C5AR1: variants seen among roughly 807,000 people sequenced by gnomAD.
C5AR1 encodes the protein C5a anaphylatoxin chemotactic receptor 1.
Under a neutral mutation model 2.4 loss-of-function variants are expected in C5AR1, and 4 were observed. The observed-to-expected ratio is 1.65, with a 90% CI of 0.81 to 3.77. The LOEUF (loss-of-function observed/expected upper bound fraction) is 3.77. Ranked by LOEUF, C5AR1 falls within the 30% of genes most tolerant of loss-of-function variation. C5AR1 has a pLI of 0.01. For synonymous variants in C5AR1, 209 were observed against 210.4 expected (o/e 0.99, Z 0.06); for missense variants, 418 against 462.5 (o/e 0.90, Z 0.88).
Position 47,321,003 on chromosome 19 carries a change from C to T in C5AR1, c.*173C>T, listed in dbSNP as rs200460170. Reference sequence around the variant, plus strand: ...CCTTTTCCAGCGGGACTCTTCTCATCCTTCCTCATTTGCAAGGTGAACACT... The same window carrying T: ...CCTTTTCCAGCGGGACTCTTCTCATTCTTCCTCATTTGCAAGGTGAACACT... On this transcript the variant is annotated 3_prime_UTR_variant, in exon 2 of 2. Transcript: ENST00000355085. 75 of 583,530 alleles carry T rather than the reference C, an allele frequency of 1.3e-4. 1 individual carries two copies. The South Asian group carries it at 1.5e-3, about 12-fold the overall frequency. 36.1% of individuals were successfully genotyped at this position (583,530 alleles called of 1,614,324 possible).
chr19:47,319,651 C>CTG, intron 1 of C5AR1, 130 bp from the exon 2 acceptor site: 2 of 654,524 alleles, frequency 3.1e-6, no homozygotes, highest in Non-Finnish European at 5.4e-6. Flanking sequence ...TGACTCTCAG[C>CTG]CCTCAGCATC....
Position 47,319,803 on chromosome 19 carries a change from CT to C in C5AR1, c.27del (p.Asp10IlefsTer52). On this transcript the variant is annotated frameshift_variant, in exon 2 of 2. Coordinates refer to ENST00000355085, the MANE Select transcript of C5AR1 (RefSeq NM_001736.4). LOFTEE classifies it low-confidence loss of function (END_TRUNC). ...TAGGACTCCTTCAATTATACCACCCCTGATTATGGGCACTATGATGACAAGG... is the reference window on the plus strand; with the variant it reads ...TAGGACTCCTTCAATTATACCACCCCGATTATGGGCACTATGATGACAAGG... MDSFNYTT[P>X]DYGHYDDKDT... 1.9e-6 allele frequency: 3 copies of C among 1,612,104 alleles called. No individual in the cohort carries two copies. Among genetic ancestry groups the C allele is most frequent in the Non-Finnish European group, 2.5e-6 (3 of 1,178,288 alleles).
chr19:47,316,081 C>T (rs1172989231), intron 1 of C5AR1, among the ~76,000 whole-genome samples: 1 of 151,904 alleles, frequency 6.6e-6, no homozygotes, highest in Admixed American at 6.6e-5. Context: ...TCTTGACTCA[C>T]TGCAACCTCC....
rs200918301 is a variant in C5AR1, at chr19:47,320,839, C to T, written c.*9C>T. Reference sequence around the variant, plus strand: ...AGACCCAGGCAGTGTAGGCGACAGCCTCATGGGCCACTGTGGCCCGATGTC... The same window carrying T: ...AGACCCAGGCAGTGTAGGCGACAGCTTCATGGGCCACTGTGGCCCGATGTC... On this transcript the variant is annotated 3_prime_UTR_variant, in exon 2 of 2. Coordinates refer to ENST00000355085, the MANE Select transcript of C5AR1 (RefSeq NM_001736.4). This position sits in a 1 kb window ranked among gnomAD's most constrained non-coding sequence, Gnocchi z 4.9. The T allele has an allele frequency of 2.9e-5, 46 of 1,595,226 alleles. No homozygotes were observed. In the South Asian group the frequency reaches 5.0e-4, roughly 17 times the overall value.
chr19:47,308,210 C>T (rs1310764348), upstream of C5AR1, among the ~76,000 whole-genome samples: 13 of 88,612 alleles, frequency 1.5e-4, no homozygotes, highest in African/African-American at 6.8e-4. Flanking sequence ...GAGACTCCAT[C>T]TCAAAAAAAA....
intron 1 of C5AR1, among the ~76,000 whole-genome samples, chr19:47,310,563 T>C (rs746114484): frequency 1.9e-4 from 29 of 152,136 alleles, no homozygotes; most frequent in Non-Finnish European, 4.1e-4. Context: ...CCATCATAGC[T>C]CACTGCAGTC....
intron 1 of C5AR1, among the ~76,000 whole-genome samples, chr19:47,313,790 G>A (rs970818829): frequency 2.6e-5 from 4 of 151,720 alleles, no homozygotes; most frequent in Non-Finnish European, 4.4e-5. Flanking sequence ...GCTCTCAGGA[G>A]TTTCTCTCCT....
At chr19:47,313,887 G>T (rs1054332069) in intron 1 of C5AR1, among the ~76,000 whole-genome samples, 3 of 152,038 alleles carry the variant, frequency 2.0e-5, no homozygotes, top group Admixed American at 2.0e-4. Flanking sequence ...AATGAGTGTT[G>T]CTGTTGCAAC....
chr19:47,315,564 TTTACCTTCATGCGTCACAGCCAA>T (rs2059284426), intron 1 of C5AR1, among the ~76,000 whole-genome samples: 1 of 152,058 alleles, frequency 6.6e-6, no homozygotes, highest in African/African-American at 2.4e-5. Flanking sequence ...AGAGGCAAAA[TTTACCTTCATGCGTCACAGCCAA>T]AGGGAACATT....
At chr19:47,312,976 C>CTGTTT (rs370072941) in intron 1 of C5AR1, among the ~76,000 whole-genome samples, 54 of 152,100 alleles carry the variant, frequency 3.6e-4, no homozygotes, top group African/African-American at 1.2e-3. Flanking sequence ...AATATTTGGT[C>CTGTTT]TGTTTTGTTT....
At chr19:47,315,417 GC>G (rs1299873184) in intron 1 of C5AR1, among the ~76,000 whole-genome samples, 6 of 152,170 alleles carry the variant, frequency 3.9e-5, no homozygotes, top group African/African-American at 1.4e-4. Flanking sequence ...GACTGAGTGA[GC>G]TCATGGCAGG....
In C5AR1 at chr19:47,318,418, C is replaced by T. The variant is rs1213561553; in HGVS notation, c.4-1363C>T. Among the ~76,000 whole-genome samples the T allele has an allele frequency of 2.0e-5, 3 of 152,000 alleles. No homozygotes were observed. The East Asian group carries it at 5.8e-4, about 29-fold the overall frequency. ...AAGTGATTCTCCTGCCTCAGCCTCC[C>T]GAGTAGCTGGGATTACAGGTGCCCG... On this transcript the variant is annotated intron_variant, in intron 1 of 1. Transcript: ENST00000355085.
rs543926742 is a variant in C5AR1, at chr19:47,313,244, G to A, written c.3+3346G>A. Among the ~76,000 whole-genome samples, 3 of 152,090 alleles carry A rather than the reference G, an allele frequency of 2.0e-5. No individual in the cohort carries two copies. The East Asian group carries it at 5.9e-4, about 30-fold the overall frequency. On this transcript the variant is annotated intron_variant, in intron 1 of 1. Transcript: ENST00000355085. Reference sequence around the variant, plus strand: ...ACCCGCCTCAGCCTCCCAAAGTGCTGGGATTATAGGCGTGAGCCACCGCGC... The same window carrying A: ...ACCCGCCTCAGCCTCCCAAAGTGCTAGGATTATAGGCGTGAGCCACCGCGC...
At chr19:47,313,744 TAAA>T (rs556770085) in intron 1 of C5AR1, among the ~76,000 whole-genome samples, 1 of 137,952 alleles carries the variant, frequency 7.2e-6, no homozygotes. Flanking sequence ...TTCCGTCTCA[TAAA>T]AAAAAAAAAG....
chr19:47,318,881 A>ATTTTTT (rs34790165), intron 1 of C5AR1, among the ~76,000 whole-genome samples: 2 of 99,386 alleles, frequency 2.0e-5, no homozygotes, highest in Non-Finnish European at 3.7e-5. Context: ...TTTTTGTTCT[A>ATTTTTT]TTTTTTTTTT....
chr19:47,320,513 G>GCAGTGGTGGC lies in C5AR1; in HGVS notation c.741_750dup (p.Phe251GlyfsTer78). 1.2e-6 allele frequency: 2 copies of GCAGTGGTGGC among 1,614,024 alleles called. No homozygotes were observed. The highest frequency in any genetic ancestry group is 1.7e-6 in the Non-Finnish European group (2 of 1,180,004). On this transcript the variant is annotated frameshift_variant, in exon 2 of 2. Coordinates refer to ENST00000355085, the MANE Select transcript of C5AR1 (RefSeq NM_001736.4). LOFTEE classifies it low-confidence loss of function (END_TRUNC). This position sits in a 1 kb window ranked among gnomAD's most constrained non-coding sequence, Gnocchi z 4.9. ...CACCAAGACACTCAAGGTGGTGGTGGCAGTGGTGGCCAGTTTCTTTATCTT... is the reference window on the plus strand; with the variant it reads ...CACCAAGACACTCAAGGTGGTGGTGGCAGTGGTGGCCAGTGGTGGCCAGTTTCTTTATCTT...
chr19:47,319,852 T>C lies in C5AR1; in HGVS notation c.75T>C (p.Pro25=). The part of the protein sequence containing the change: ...DDKDTLDLNT[P]VDKTSNTLRV... ...AGGATACCCTGGACCTCAACACCCC[T>C]GTGGATAAAACTTCTAACACGCTGC... Residue 25 remains proline (P), a synonymous_variant, in exon 2 of 2, where the codon CCT becomes CCC. Coordinates refer to ENST00000355085, the MANE Select transcript of C5AR1 (RefSeq NM_001736.4). 6.2e-7 allele frequency: 1 copy of C among 1,614,162 alleles called. No homozygotes were observed. The highest frequency in any genetic ancestry group is 1.1e-5 in the South Asian group (1 of 91,084).
chr19:47,309,828 G>A (rs1431476327), upstream of C5AR1: 3 of 1,571,720 alleles, frequency 1.9e-6, no homozygotes, highest in African/African-American at 1.4e-5. Context: ...CTTCCCTTGG[G>A]GCTTTAAAAA....
chr19:47,319,328 A>G (rs1425634763), intron 1 of C5AR1, among the ~76,000 whole-genome samples: 23 of 29,172 alleles, frequency 7.9e-4, no homozygotes, highest in Non-Finnish European at 1.1e-3. Flanking sequence ...TTTTTTTTTG[A>G]GACAGGGTCT....
Sources: allele counts gnomAD v4.1 joint callset (sites outside exome capture counted in the v4.1 genomes callset), GRCh38; gene constraint gnomAD v4.1.1; non-coding constraint Gnocchi (gnomAD v3.1); transcripts MANE v1.5; gene names NCBI Gene and HGNC (gene_info 2026-07-23, HGNC 2026-07-21).